SEMA4F: variants seen among roughly 807,000 people sequenced by gnomAD.
The protein encoded by SEMA4F is ssemaphorin 4F, also known as semaphorin-4F.
Under a neutral mutation model 78.4 loss-of-function variants are expected in SEMA4F, and 51 were observed. That is an observed-to-expected ratio of 0.65 (90% CI 0.52 to 0.82). The LOEUF (loss-of-function observed/expected upper bound fraction) is 0.82. SEMA4F is among the 40% of genes least tolerant of loss of function. The probability of loss-of-function intolerance (pLI) is 0.00; values close to 1 mark genes in which losing one functional copy is unlikely to be tolerated. For synonymous variants in SEMA4F, 418 were observed against 408.7 expected, an observed-to-expected ratio of 1.02 and a Z score of -0.27; for missense variants, 938 against 1,014.4, an observed-to-expected ratio of 0.92 and a Z score of 1.02.
Position 74,673,371 on chromosome 2 carries a change from C to T in SEMA4F, c.551-86C>T, listed in dbSNP as rs1220184429. On this transcript the variant is annotated intron_variant, in intron 5 of 13. Transcript: ENST00000357877. ...TGTTTAGTCCCTGAGAGTCGCTGCC[C>T]TGCTTTATGCCCTACTCTGCCTGTG... 18 of 1,547,744 alleles carry T rather than the reference C, an allele frequency of 1.2e-5. No homozygotes were observed. In the East Asian group the frequency reaches 3.6e-4, roughly 31 times the overall value.
intron 12 of SEMA4F, among the ~76,000 whole-genome samples, chr2:74,676,399 G>A (rs1175005590): frequency 2.0e-5 from 3 of 152,146 alleles, no homozygotes; most frequent in Admixed American, 6.5e-5. Flanking sequence ...AATACCATCT[G>A]AGTGCTAATG....
the SEMA4F span, among the ~76,000 whole-genome samples, chr2:74,693,154 A>G: frequency 3.9e-5 from 6 of 152,346 alleles, no homozygotes; most frequent in Admixed American, 3.3e-4. Flanking sequence ...TGCTTCTTCC[A>G]TTTGATACTA....
chr2:74,676,049 G>T, intron 12 of SEMA4F, 140 bp downstream of exon 12: 1 of 859,948 alleles, frequency 1.2e-6, no homozygotes, highest in Non-Finnish European at 1.7e-6. Context: ...TCACTCGTGT[G>T]TCCTTCTGTC....
chr2:74,683,749 T>A lies in SEMA4F; in HGVS notation c.*3540T>A, dbSNP rs1685739598. On this transcript the variant is annotated 3_prime_UTR_variant, in exon 14 of 14. Transcript: ENST00000357877. ...TCATGTGGAATTCTTGGGAGAGGGA[T>A]GACCACCCTGAAGATGGCTGAGATC... 1 of 152,210 alleles carries A rather than the reference T, an allele frequency of 6.6e-6. No individual in the cohort carries two copies. The allele number at this position is 152,210 out of a possible 1,614,324, so 9.4% of individuals were successfully genotyped here.
rs746548367 is a variant in SEMA4F, at chr2:74,679,735, A to T, written c.1839A>T (p.Gly613=). The T allele has an allele frequency of 3.7e-5, 60 of 1,613,980 alleles. No homozygotes were observed. Among genetic ancestry groups the T allele is most frequent in the Non-Finnish European group, 4.9e-5 (58 of 1,180,014 alleles). ...CTGCACTCACCCCCCGGCGGGATGG[A>T]CTGGAGGTGGTGGTGACCCCAGGGG... ...GVTALTPRRD[G]LEVVVTPGAM... Residue 613 remains glycine, a synonymous_variant, in exon 14 of 14, where the codon GGA becomes GGT. Coordinates refer to ENST00000357877, the MANE Select transcript of SEMA4F (RefSeq NM_004263.5).
In SEMA4F at chr2:74,675,595, C is replaced by T; in HGVS notation, c.1443C>T (p.Phe481=). The T allele has an allele frequency of 6.2e-7, 1 of 1,614,164 alleles. No individual in the cohort carries two copies. The highest frequency in any genetic ancestry group is 8.5e-7 in the Non-Finnish European group (1 of 1,180,022). ...QLSVLEDLAL[F]PEPQPVENMK... is the part of the protein sequence containing the mutation. ...GCGTTCTTGAAGATCTGGCCTTATT[C>T]CCAGAGCCACAGCCAGTTGAGAACA... Residue 481 remains phenylalanine, a synonymous_variant, in exon 11 of 14, where the codon TTC becomes TTT. Transcript: ENST00000357877.
intron 12 of SEMA4F, among the ~76,000 whole-genome samples, chr2:74,676,894 T>C (rs1210812263): frequency 1.3e-5 from 2 of 151,996 alleles, no homozygotes; most frequent in African/African-American, 4.8e-5. Context: ...GATAAGGAGT[T>C]TTTTGTTTGT....
At chr2:74,663,195 C>G (rs555475301) in intron 5 of SEMA4F, among the ~76,000 whole-genome samples, 2 of 152,308 alleles carry the variant, frequency 1.3e-5, no homozygotes, top group South Asian at 2.1e-4. Context: ...TAGAACAGCA[C>G]TTTCCAAAAG....
intron 4 of SEMA4F, among the ~76,000 whole-genome samples, chr2:74,660,129 A>T (rs1304347866): frequency 6.6e-6 from 1 of 152,226 alleles, no homozygotes; most frequent in Non-Finnish European, 1.5e-5. Context: ...TACATTAAGG[A>T]TTAAGTTTAA....
intron 5 of SEMA4F, among the ~76,000 whole-genome samples, chr2:74,671,797 TTAA>T (rs2104980861): frequency 6.6e-6 from 1 of 152,314 alleles, no homozygotes; most frequent in Non-Finnish European, 1.5e-5. Flanking sequence ...GCTGGCTTGG[TTAA>T]TAATGTCACC....
chr2:74,669,854 C>CT (rs913244791), intron 5 of SEMA4F, among the ~76,000 whole-genome samples: 29 of 150,654 alleles, frequency 1.9e-4, no homozygotes, highest in East Asian at 1.4e-3. Flanking sequence ...CTTTCAATGT[C>CT]TTTTTTTTTG....
the SEMA4F span, among the ~76,000 whole-genome samples, chr2:74,704,574 T>C: frequency 9.2e-5 from 14 of 152,118 alleles, no homozygotes; most frequent in Non-Finnish European, 1.5e-4. Context: ...TAATTGTTTA[T>C]TGTTATTACT....
intron 5 of SEMA4F, among the ~76,000 whole-genome samples, chr2:74,664,978 G>GA (rs1417381438): frequency 6.6e-6 from 1 of 152,040 alleles, no homozygotes; most frequent in Non-Finnish European, 1.5e-5. Context: ...CATGAGGGGG[G>GA]ATCTAAATTA....
At chr2:74,687,571 C>T (rs1685847904), downstream of SEMA4F, among the ~76,000 whole-genome samples, 2 of 152,176 alleles carry the variant, frequency 1.3e-5, no homozygotes, top group Admixed American at 6.5e-5. Flanking sequence ...TGAATATGGC[C>T]ATTGCCGAGC....
At chr2:74,673,365 G>A (rs959913280) in intron 5 of SEMA4F, 92 bp from the exon 6 acceptor site, 60 of 1,503,124 alleles carry the variant, frequency 4.0e-5, no homozygotes, top group Non-Finnish European at 5.2e-5. Flanking sequence ...CCTGAGAGTC[G>A]CTGCCCTGCT....
rs1268581393 is a variant in SEMA4F, at chr2:74,679,692, AC to A, written c.1798del (p.Gln600SerfsTer5). ...TCAGCATGGGCATCCTGTGTGTGGCACCAGCCCAGTGGAGTGACTGCACTCA... is the reference window on the plus strand; with the variant it reads ...TCAGCATGGGCATCCTGTGTGTGGCACAGCCCAGTGGAGTGACTGCACTCA... Reference protein sequence around the residue: ...PSSAWASCVWHQPSGVTALTP... With the variant: ...PSSAWASCVWXQPSGVTALTP... On this transcript the variant is annotated frameshift_variant, in exon 14 of 14. Coordinates refer to ENST00000357877, the MANE Select transcript of SEMA4F (RefSeq NM_004263.5). LOFTEE classifies it high-confidence loss of function. 4 of 1,613,986 alleles carry A rather than the reference AC, an allele frequency of 2.5e-6. No individual in the cohort carries two copies. Among genetic ancestry groups the A allele is most frequent in the Non-Finnish European group, 3.4e-6 (4 of 1,180,006 alleles).
At chr2:74,703,123 A>G in the SEMA4F span, among the ~76,000 whole-genome samples, 1 of 151,998 alleles carries the variant, frequency 6.6e-6, no homozygotes, top group Non-Finnish European at 1.5e-5. Context: ...TGGGGGTCAT[A>G]TATTGAACAA....
chr2:74,674,809 G>C, intron 8 of SEMA4F, 79 bp from the exon 9 acceptor site: 1 of 1,557,556 alleles, frequency 6.4e-7, no homozygotes, highest in Non-Finnish European at 8.7e-7. Flanking sequence ...CGTTTCTCGG[G>C]GGTCATCTCA....
chr2:74,705,643 C>A, the SEMA4F span, among the ~76,000 whole-genome samples: 1 of 152,214 alleles, frequency 6.6e-6, no homozygotes, highest in African/African-American at 2.4e-5. Flanking sequence ...AGCTCACTGA[C>A]GCCTCTGACT....
Sources: gnomAD v4.1 joint callset for allele counts (sites outside exome capture counted in the v4.1 genomes callset) on GRCh38, gnomAD v4.1.1 for gene constraint, MANE v1.5 for transcripts, NCBI Gene and HGNC (gene_info 2026-07-23, HGNC 2026-07-21) for gene names.